The following LAMB1 variants were observed in gnomAD, a reference collection of about 807,000 sequenced individuals.
LAMB1 encodes laminin subunit beta-1.
In LAMB1, 121 loss-of-function variants were observed where a neutral mutation model predicts 222.3. The observed-to-expected ratio is 0.54, with a 90% confidence interval of 0.47 to 0.63. The LOEUF is 0.63. Among genes scored for constraint, LAMB1 ranks in the 30% least tolerant of loss-of-function variants. The pLI is 0.00. For synonymous variants in LAMB1, 794 were observed against 807.2 expected (o/e 0.98, Z 0.28); for missense variants, 2,172 against 2,240.8 (o/e 0.97, Z 0.62).
At chr7:107,995,609 G>A (rs1234590895) in intron 4 of LAMB1, among the ~76,000 whole-genome samples, 3 of 152,150 alleles carry the variant, frequency 2.0e-5, no homozygotes, top group Non-Finnish European at 2.9e-5. Flanking sequence ...TCTTTCAGGG[G>A]AAAGCCTGAA....
chr7:107,928,334 A>G (rs557368608), intron 31 of LAMB1, among the ~76,000 whole-genome samples: 2 of 152,332 alleles, frequency 1.3e-5, no homozygotes, highest in East Asian at 3.9e-4. Context: ...CTGTTCTCCC[A>G]TAGTTTCCAA....
chr7:108,001,174 A>C lies in LAMB1; in HGVS notation c.213+384T>G, dbSNP rs2034374804. Among the ~76,000 whole-genome samples the C allele has an allele frequency of 4.6e-5, 7 of 152,228 alleles. No individual in the cohort carries two copies. In the South Asian group the frequency reaches 1.4e-3, roughly 32 times the overall value. Reference sequence around the variant, plus strand: ...TCATTGCTGGAATCCTCTTTACCCAAGTGAAGATGCGGTAGAGGGGGGTGG... The same window carrying C: ...TCATTGCTGGAATCCTCTTTACCCACGTGAAGATGCGGTAGAGGGGGGTGG... On this transcript the variant is annotated intron_variant, in intron 3 of 33. Coordinates refer to ENST00000222399, the MANE Select transcript of LAMB1 (RefSeq NM_002291.3).
chr7:107,926,181 A>T lies in LAMB1; in HGVS notation c.5064+2T>A, dbSNP rs199649773. The T allele has an allele frequency of 6.2e-7, 1 of 1,610,996 alleles. No individual in the cohort carries two copies. The highest frequency in any genetic ancestry group is 8.5e-7 in the Non-Finnish European group (1 of 1,177,434). ...GCTCTGAAATTACAAAGATTTACGT[A>T]CCTTCTTAACATCTTCTGCACTTTG... On this transcript the variant is annotated splice_donor_variant, in intron 32 of 33. Coordinates refer to ENST00000222399, the MANE Select transcript of LAMB1 (RefSeq NM_002291.3). LOFTEE classifies it high-confidence loss of function.
Position 107,941,822 on chromosome 7 carries a change from CTTTTTTTTTTTTTTTTTT to C in LAMB1, c.3392-1482_3392-1465del, listed in dbSNP as rs774447066. 3.1e-4 allele frequency among the ~76,000 whole-genome samples: 10 copies of C among 31,884 alleles called. 1 individual carries two copies. Among genetic ancestry groups the C allele is most frequent in the East Asian group, 1.2e-3 (1 of 812 alleles). The allele number at this position is 31,884 out of a possible 152,430, so 20.9% of individuals were successfully genotyped here. A position where few individuals can be genotyped will look rare whatever the true frequency, so the allele number is the denominator to read the frequency against. On this transcript the variant is annotated intron_variant, in intron 24 of 33. Coordinates refer to ENST00000222399, the MANE Select transcript of LAMB1 (RefSeq NM_002291.3). The stretch of plus-strand genomic sequence containing the variant: ...TACAGGCATGCGCCACCACACCCGG[CTTTTTTTTTTTTTTTTTT>C]TTTTTTTTTTTTTTTTTTAAGAGAC...
chr7:107,969,712 A>G (rs1027440838), intron 13 of LAMB1, among the ~76,000 whole-genome samples: 4 of 152,256 alleles, frequency 2.6e-5, no homozygotes, highest in African/African-American at 7.2e-5. Flanking sequence ...AGTATAGCCT[A>G]TTGCTCCTAA....
At chr7:107,957,041 C>T (rs1013464414) in intron 20 of LAMB1, among the ~76,000 whole-genome samples, 2 of 152,178 alleles carry the variant, frequency 1.3e-5, no homozygotes, top group African/African-American at 4.8e-5. Context: ...AACATAACAT[C>T]TTGAAGGAAC....
chr7:107,928,274 A>G (rs777540971), intron 31 of LAMB1, among the ~76,000 whole-genome samples: 3 of 152,178 alleles, frequency 2.0e-5, no homozygotes, highest in Admixed American at 6.5e-5. Flanking sequence ...TTGTTTAGCT[A>G]TAAGTGCTCT....
rs903807727 is a variant in LAMB1 at position 107,959,178 on chromosome 7, G to A, written c.2690+71C>T. The stretch of plus-strand genomic sequence containing the variant: ...CTGAAGCCTGGTGGAGATGAATTCT[G>A]TGGTTGGTCTAAGATGCTGTCTGCT... On this transcript the variant is annotated intron_variant, in intron 20 of 33. Coordinates refer to ENST00000222399, the MANE Select transcript of LAMB1 (RefSeq NM_002291.3). The A allele has an allele frequency of 7.1e-5, 83 of 1,173,402 alleles. 3 individuals carry two copies. In the South Asian group the frequency reaches 9.3e-4, roughly 13 times the overall value. The allele number at this position is 1,173,402 out of a possible 1,614,324, so 72.7% of individuals were successfully genotyped here. A position where few individuals can be genotyped will look rare whatever the true frequency, so the allele number is the denominator to read the frequency against.
chr7:107,931,253 G>T, intron 29 of LAMB1, 103 bp downstream of exon 29: 2 of 994,406 alleles, frequency 2.0e-6, no homozygotes, highest in Non-Finnish European at 3.0e-6. Context: ...TTCTTATTTG[G>T]AAATGTCACT....
At chr7:107,935,337 G>A in intron 27 of LAMB1, 78 bp downstream of exon 27, 1 of 1,450,926 alleles carries the variant, frequency 6.9e-7, no homozygotes. Flanking sequence ...AAGATGGTTT[G>A]TTTTTCTTTG....
intron 7 of LAMB1, among the ~76,000 whole-genome samples, chr7:107,985,664 A>C (rs2034061386): frequency 6.6e-6 from 1 of 150,458 alleles, no homozygotes; most frequent in African/African-American, 2.5e-5. Context: ...AACAAACAAA[A>C]AATTTTATTT....
At chr7:107,926,479 A>C in intron 31 of LAMB1, 120 bp from the exon 32 acceptor site, 1 of 690,030 alleles carries the variant, frequency 1.4e-6, no homozygotes, top group Non-Finnish European at 2.4e-6. Context: ...CAAAAGAAGT[A>C]ATTACTAAAA....
chr7:107,925,024 A>G (rs1193773159), intron 32 of LAMB1, among the ~76,000 whole-genome samples: 1 of 152,182 alleles, frequency 6.6e-6, no homozygotes, highest in Non-Finnish European at 1.5e-5. Context: ...GAAGCAGAGT[A>G]CTTGAGAAAT....
chr7:107,933,788 AATCC>A (rs1562975568), intron 27 of LAMB1, among the ~76,000 whole-genome samples: 1 of 152,236 alleles, frequency 6.6e-6, no homozygotes, highest in African/African-American at 2.4e-5. Context: ...AGCAGCTGCT[AATCC>A]CTAGGTAGTT....
At chr7:107,991,732 A>C (rs954375579) in intron 5 of LAMB1, among the ~76,000 whole-genome samples, 27 of 152,070 alleles carry the variant, frequency 1.8e-4, no homozygotes, top group African/African-American at 6.3e-4. Context: ...AATATGGTGA[A>C]ACCCTGTCTC....
chr7:107,959,906 C>CT (rs1356324440), intron 18 of LAMB1, 72 bp from the exon 19 acceptor site: 4 of 1,520,526 alleles, frequency 2.6e-6, no homozygotes, highest in Non-Finnish European at 3.6e-6. Flanking sequence ...ATCCTTTCTC[C>CT]TTTAACTACT....
rs530775110 is a variant in LAMB1, at chr7:108,001,508, G to C, written c.213+50C>G. ...TCCCCAGGGCCTGCCCCTTAGGTCT[G>C]GACGGGAGGAGGCGCTAGCAGAGCC... On this transcript the variant is annotated intron_variant, in intron 3 of 33. Coordinates refer to ENST00000222399, the MANE Select transcript of LAMB1 (RefSeq NM_002291.3). The C allele has an allele frequency of 6.0e-5, 91 of 1,521,964 alleles. No homozygotes were observed. In the South Asian group the frequency reaches 1.0e-3, roughly 17 times the overall value. The allele number at this position is 1,521,964 out of a possible 1,614,324, so 94.3% of individuals were successfully genotyped here.
At position 107,961,283 on chromosome 7, in the gene LAMB1, A is replaced by G; in HGVS notation, c.2032T>C (p.Tyr678His). 2 of 1,614,134 alleles carry G rather than the reference A, an allele frequency of 1.2e-6. No homozygotes were observed. The highest frequency in any genetic ancestry group is 1.7e-6 in the Non-Finnish European group (2 of 1,179,980). The change falls in exon 17 of 34, where the codon TAC (tyrosine) becomes CAC (histidine). Residue 678 changes from tyrosine to histidine, a missense_variant. Tyr to His is a moderately conservative substitution (Grantham distance 83). Transcript: ENST00000222399. ...TGAGGCAGCTCCAACCTCACCGTGTAGTTTGTTCCCTTCTCAAAGCACACC... is the reference window on the plus strand; with the variant it reads ...TGAGGCAGCTCCAACCTCACCGTGTGGTTTGTTCCCTTCTCAAAGCACACC... ...RPVCFEKGTN[Y>H]TVRLELPQYT...
intron 24 of LAMB1, among the ~76,000 whole-genome samples, chr7:107,945,739 A>G (rs2033101593): frequency 6.6e-6 from 1 of 152,198 alleles, no homozygotes; most frequent in Non-Finnish European, 1.5e-5. Flanking sequence ...TTACCCCCAT[A>G]GGTTCTTTGT....
Sources: gnomAD v4.1 joint callset for allele counts (sites outside exome capture counted in the v4.1 genomes callset) on GRCh38, gnomAD v4.1.1 for gene constraint, MANE v1.5 for transcripts, NCBI Gene and HGNC (gene_info 2026-07-23, HGNC 2026-07-21) for gene names.